CTNNA2: variants seen among roughly 807,000 people sequenced by gnomAD.
CTNNA2 encodes the protein catenin alpha-2.
Under a neutral mutation model 101.0 loss-of-function variants are expected in CTNNA2, and 42 were observed. The ratio of observed to expected loss-of-function variants is 0.42; its 90% CI spans 0.32 to 0.54. The LOEUF is 0.54. Ranked by LOEUF, CTNNA2 falls within the 20% of genes least tolerant of loss-of-function variation. The pLI is 0.14. For missense variants in CTNNA2, 871 were observed against 1,223.1 expected (o/e 0.71, Z 4.29); for synonymous variants, 450 against 456.4 (o/e 0.99, Z 0.18).
intron 15 of CTNNA2, among the ~76,000 whole-genome samples, chr2:80,593,642 ACT>A (rs1196421192): frequency 6.6e-6 from 1 of 152,146 alleles, no homozygotes; most frequent in Non-Finnish European, 1.5e-5. Context: ...CTCTGTACTT[ACT>A]GAATGTAAAC....
intron 7 of CTNNA2, among the ~76,000 whole-genome samples, chr2:80,311,823 A>C (rs78710121): frequency 0.02 from 3,083 of 152,340 alleles, 90 homozygotes; most frequent in African/African-American, 0.061. Context: ...TGGGATTTCT[A>C]TTAACACTAA....
chr2:80,154,394 G>T (rs1703885671), intron 7 of CTNNA2, among the ~76,000 whole-genome samples: 1 of 152,158 alleles, frequency 6.6e-6, no homozygotes, highest in Admixed American at 6.5e-5. Flanking sequence ...ACTGCTACCG[G>T]GGAGATAGCT....
chr2:79,479,986 A>G (rs1671091715), intron 4 of CTNNA2, among the ~76,000 whole-genome samples: 1 of 152,092 alleles, frequency 6.6e-6, no homozygotes, highest in African/African-American at 2.4e-5. Flanking sequence ...TATTTGGCTC[A>G]TGGTTTTGGA....
chr2:80,589,775 C>T (rs1413499653), intron 15 of CTNNA2, among the ~76,000 whole-genome samples: 1 of 151,456 alleles, frequency 6.6e-6, no homozygotes, highest in Non-Finnish European at 1.5e-5. Context: ...CATCTTTGGT[C>T]TGTGCTATTT....
At chr2:80,163,898 A>G (rs145826366) in intron 7 of CTNNA2, among the ~76,000 whole-genome samples, 145 of 151,942 alleles carry the variant, frequency 9.5e-4, no homozygotes, top group African/African-American at 3.4e-3. Context: ...TCTGAATTCT[A>G]CTTAATCTGA....
chr2:80,300,279 GGGGTGTGTGT>G (rs1379787809), intron 7 of CTNNA2, among the ~76,000 whole-genome samples: 2,711 of 128,060 alleles, frequency 0.021, 74 homozygotes, highest in Middle Eastern at 0.046. Context: ...CTGGGGTGTT[GGGGTGTGTGT>G]GTGTGTGTGT....
chr2:80,622,131 T>A (rs1478869647), intron 18 of CTNNA2, among the ~76,000 whole-genome samples: 1 of 151,962 alleles, frequency 6.6e-6, no homozygotes, highest in Non-Finnish European at 1.5e-5. Flanking sequence ...CCCTTTCCCC[T>A]AAATCATATG....
rs572299362 is a variant in CTNNA2 at position 80,242,285 on chromosome 2, A to C, written c.1057-150926A>C. Among the ~76,000 whole-genome samples the C allele has an allele frequency of 2.0e-5, 3 of 152,254 alleles. No individual in the cohort carries two copies. In the South Asian group the frequency reaches 6.2e-4, roughly 32 times the overall value. On this transcript the variant is annotated intron_variant, in intron 7 of 18. Coordinates refer to ENST00000402739, the MANE Select transcript of CTNNA2 (RefSeq NM_001282597.3). ...ATCCAAGGATGTTCACTGTGGCATA[A>C]CTCTTGCTGTTTGCACAACCTGAAA... is the stretch of plus-strand genomic sequence containing the variant.
At chr2:79,583,813 G>A (rs1309295270) in intron 1 of CTNNA2, among the ~76,000 whole-genome samples, 5 of 151,948 alleles carry the variant, frequency 3.3e-5, no homozygotes, top group Admixed American at 2.0e-4. Flanking sequence ...CTTGCTTTTC[G>A]TAGACCTTTT....
At chr2:80,461,705 A>G (rs1684443051) in intron 9 of CTNNA2, among the ~76,000 whole-genome samples, 1 of 152,160 alleles carries the variant, frequency 6.6e-6, no homozygotes, top group East Asian at 1.9e-4. Flanking sequence ...CTTTTGAACT[A>G]GATTATGAGT....
chr2:79,860,100 C>T (rs1265310063), intron 4 of CTNNA2, among the ~76,000 whole-genome samples: 1 of 152,184 alleles, frequency 6.6e-6, no homozygotes, highest in Non-Finnish European at 1.5e-5. Context: ...TTCAGTTACA[C>T]AAAACTTCCT....
At chr2:80,576,510 T>G (rs142155349) in intron 13 of CTNNA2, 8 of 152,176 alleles carry the variant, frequency 5.3e-5, no homozygotes, top group African/African-American at 1.9e-4. Context: ...TCATTTTTCA[T>G]TTCTTACAGT....
chr2:79,628,055 G>T (rs2104336205), intron 1 of CTNNA2, among the ~76,000 whole-genome samples: 1 of 152,238 alleles, frequency 6.6e-6, no homozygotes, highest in Middle Eastern at 3.4e-3. Flanking sequence ...GCATGTTCAT[G>T]ATTTTAAGTC....
chr2:79,645,742 C>T (rs745556155), intron 1 of CTNNA2, among the ~76,000 whole-genome samples: 34 of 152,086 alleles, frequency 2.2e-4, no homozygotes, highest in Non-Finnish European at 3.7e-4. Context: ...ATTATTCTAC[C>T]GATTTTCAGA....
At chr2:80,421,371 T>C (rs937638729) in intron 9 of CTNNA2, among the ~76,000 whole-genome samples, 1 of 152,222 alleles carries the variant, frequency 6.6e-6, no homozygotes, top group African/African-American at 2.4e-5. Flanking sequence ...ACATCTACTT[T>C]CAGTCCTATT....
chr2:79,998,449 T>C (rs1196335661), intron 7 of CTNNA2, among the ~76,000 whole-genome samples: 2 of 152,212 alleles, frequency 1.3e-5, no homozygotes. Context: ...TTCTGTTTCA[T>C]TTAAATAATC....
chr2:79,442,278 A>C (rs1430890966), intron 4 of CTNNA2, among the ~76,000 whole-genome samples: 1 of 152,198 alleles, frequency 6.6e-6, no homozygotes, highest in Non-Finnish European at 1.5e-5. Flanking sequence ...TAAACTCTTG[A>C]AGAATAGAAG....
chr2:79,496,541 A>AG (rs1233090050), intron 4 of CTNNA2, among the ~76,000 whole-genome samples: 1 of 152,024 alleles, frequency 6.6e-6, no homozygotes, highest in East Asian at 1.9e-4. Context: ...TTTTTGAATG[A>AG]GCCAATATTA....
intron 1 of CTNNA2, among the ~76,000 whole-genome samples, chr2:79,523,932 G>A (rs72921164): frequency 0.18 from 27,255 of 151,924 alleles, 2,651 homozygotes; most frequent in Middle Eastern, 0.27. Flanking sequence ...GCATGACTTA[G>A]TTATTTTAAT....
Sources: gnomAD v4.1 joint callset for allele counts (sites outside exome capture counted in the v4.1 genomes callset) on GRCh38, gnomAD v4.1.1 for gene constraint, MANE v1.5 for transcripts, NCBI Gene and HGNC (gene_info 2026-07-23, HGNC 2026-07-21) for gene names.